GRIK4: variants seen among roughly 807,000 people sequenced by gnomAD.
GRIK4 encodes the protein glutamate receptor ionotropic, kainate 4.
Under a neutral mutation model 104.9 loss-of-function variants are expected in GRIK4, and 40 were observed. The observed-to-expected ratio is 0.38, with a 90% CI of 0.30 to 0.50. The LOEUF (loss-of-function observed/expected upper bound fraction) is 0.50. Among genes scored for constraint, GRIK4 ranks in the 20% least tolerant of loss-of-function variants. The probability of loss-of-function intolerance (pLI) is 0.93; values close to 1 mark genes in which losing one functional copy is unlikely to be tolerated. For synonymous variants in GRIK4, 485 were observed against 524.9 expected, an observed-to-expected ratio of 0.92 and a Z score of 1.04; for missense variants, 1,047 against 1,308.1, an observed-to-expected ratio of 0.80 and a Z score of 3.08.
intron 1 of GRIK4, among the ~76,000 whole-genome samples, chr11:120,516,935 C>CT (rs879830172): frequency 7.7e-4 from 116 of 150,000 alleles, no homozygotes; most frequent in South Asian, 2.1e-3. Context: ...CGTTCCTGGG[C>CT]AGCAGCCACT....
At chr11:120,744,836 T>A (rs1406288498) in intron 3 of GRIK4, among the ~76,000 whole-genome samples, 1 of 152,194 alleles carries the variant, frequency 6.6e-6, no homozygotes, top group Non-Finnish European at 1.5e-5. Context: ...GTAATAACTG[T>A]TATTTATATA....
intron 3 of GRIK4, among the ~76,000 whole-genome samples, chr11:120,777,824 C>T (rs1384724736): frequency 6.6e-6 from 1 of 151,506 alleles, no homozygotes; most frequent in Admixed American, 6.6e-5. Context: ...GTAATCCCAG[C>T]TATTTGGGAG....
intron 1 of GRIK4, among the ~76,000 whole-genome samples, chr11:120,523,208 ACT>A (rs1448258008): frequency 6.7e-6 from 1 of 149,908 alleles, no homozygotes; most frequent in East Asian, 1.9e-4. Flanking sequence ...GCATCAGCCG[ACT>A]CTCCTTTGAA....
chr11:120,697,476 A>G (rs1950470336), intron 3 of GRIK4, among the ~76,000 whole-genome samples: 1 of 152,112 alleles, frequency 6.6e-6, no homozygotes, highest in African/African-American at 2.4e-5. Context: ...TTAGCTGGGT[A>G]CGGTGGCATG....
At chr11:120,831,664 G>A (rs1288677352) in intron 6 of GRIK4, among the ~76,000 whole-genome samples, 188 bp from the exon 7 acceptor site, 1 of 152,120 alleles carries the variant, frequency 6.6e-6, no homozygotes, top group Non-Finnish European at 1.5e-5. Flanking sequence ...ATTTTAGATG[G>A]GATCATTGAA....
At chr11:120,808,868 C>G (rs144958000) in intron 4 of GRIK4, among the ~76,000 whole-genome samples, 1 of 152,156 alleles carries the variant, frequency 6.6e-6, no homozygotes, top group Non-Finnish European at 1.5e-5. Context: ...ACTCTGAGTT[C>G]TCCCAGCCCT....
chr11:120,923,264 G>A (rs1943261950), intron 13 of GRIK4, among the ~76,000 whole-genome samples: 1 of 152,154 alleles, frequency 6.6e-6, no homozygotes, highest in African/African-American at 2.4e-5. Context: ...GGATGTTGCG[G>A]CCCAAAGCAG....
intron 1 of GRIK4, among the ~76,000 whole-genome samples, chr11:120,588,423 T>C (rs1948695450): frequency 6.6e-6 from 1 of 152,154 alleles, no homozygotes; most frequent in Non-Finnish European, 1.5e-5. Context: ...CAGTGGGCCC[T>C]CTATGGTCTC....
chr11:120,751,739 C>G (rs1951557109), intron 3 of GRIK4, among the ~76,000 whole-genome samples: 1 of 152,232 alleles, frequency 6.6e-6, no homozygotes. Context: ...TCAGCAGCAT[C>G]TTCGGTGAAG....
rs758395240 is a variant in GRIK4 at position 120,831,904 on chromosome 11, G to T, written c.564G>T (p.Thr188=). 2.7e-5 allele frequency: 44 copies of T among 1,613,668 alleles called. No individual in the cohort carries two copies. Among genetic ancestry groups the T allele is most frequent in the Non-Finnish European group, 1.4e-5 (17 of 1,179,882 alleles). ...GGCAATTCCTTATCTCCAAGGACACGCTGTCCGTCCGCATGCTGGATGACA... is the reference window on the plus strand; with the variant it reads ...GGCAATTCCTTATCTCCAAGGACACTCTGTCCGTCCGCATGCTGGATGACA... The part of the protein sequence containing the change: ...LLRQFLISKD[T]LSVRMLDDTR... The change falls in exon 7 of 21, where the codon ACG becomes ACT. Residue 188 remains threonine (T), a synonymous_variant. Transcript: ENST00000527524.
At chr11:120,928,530 C>T (rs578141916) in intron 13 of GRIK4, among the ~76,000 whole-genome samples, 20 of 152,188 alleles carry the variant, frequency 1.3e-4, no homozygotes, top group African/African-American at 4.6e-4. Context: ...GATTCGTGGG[C>T]CAGTGAATAG....
chr11:120,586,840 A>T (rs1948671814), intron 1 of GRIK4, among the ~76,000 whole-genome samples: 1 of 152,138 alleles, frequency 6.6e-6, no homozygotes, highest in Admixed American at 6.5e-5. Flanking sequence ...ATGTGTGGTT[A>T]GGATCAGGCC....
intron 1 of GRIK4, among the ~76,000 whole-genome samples, chr11:120,603,171 C>CTGTTT (rs1948910235): frequency 6.6e-6 from 1 of 152,220 alleles, no homozygotes; most frequent in Admixed American, 6.5e-5. Flanking sequence ...AGACATGCTG[C>CTGTTT]TGTTTTGTTT....
intron 1 of GRIK4, among the ~76,000 whole-genome samples, chr11:120,582,674 C>G (rs183550249): frequency 5.9e-5 from 9 of 152,266 alleles, no homozygotes; most frequent in Admixed American, 5.9e-4. Context: ...CATGTTGCTG[C>G]GAAGGACATT....
chr11:120,660,447 G>T (rs777944336), intron 3 of GRIK4, 47 bp downstream of exon 3: 10 of 1,406,430 alleles, frequency 7.1e-6, no homozygotes, highest in Non-Finnish European at 1.0e-5. Flanking sequence ...ACTATCCCAG[G>T]TGTCCACAAG....
chr11:120,718,876 A>G (rs373862198), intron 3 of GRIK4, among the ~76,000 whole-genome samples: 25 of 152,328 alleles, frequency 1.6e-4, no homozygotes, highest in African/African-American at 5.5e-4. Flanking sequence ...CTTGCTGACT[A>G]CAATCAGAAT....
At chr11:120,596,636 G>C (rs1291803516) in intron 1 of GRIK4, among the ~76,000 whole-genome samples, 1 of 152,194 alleles carries the variant, frequency 6.6e-6, no homozygotes, top group Non-Finnish European at 1.5e-5. Flanking sequence ...AAAGCATATG[G>C]AGAAGGGGCC....
Position 120,910,704 on chromosome 11 carries a change from C to T in GRIK4, c.1476+5211C>T, listed in dbSNP as rs188887758. Among the ~76,000 whole-genome samples the T allele has an allele frequency of 8.4e-4, 128 of 152,292 alleles. 1 individual carries two copies. Among genetic ancestry groups the T allele is most frequent in the Non-Finnish European group, 4.0e-4 (27 of 68,028 alleles). The stretch of plus-strand genomic sequence containing the variant: ...TTTTGGTGAAACTGTTCAAGGCATT[C>T]AGGTACAAAGATGTCTCTAGACTCA... On this transcript the variant is annotated intron_variant, in intron 13 of 20. Transcript: ENST00000527524.
intron 1 of GRIK4, among the ~76,000 whole-genome samples, chr11:120,577,982 G>C (rs1948507341): frequency 6.6e-6 from 1 of 152,150 alleles, no homozygotes; most frequent in Non-Finnish European, 1.5e-5. Flanking sequence ...GGTCTGGCAG[G>C]GTCCTTTCCT....
Sources: gnomAD v4.1 joint callset for allele counts (sites outside exome capture counted in the v4.1 genomes callset) on GRCh38, gnomAD v4.1.1 for gene constraint, MANE v1.5 for transcripts, NCBI Gene and HGNC (gene_info 2026-07-23, HGNC 2026-07-21) for gene names.